DNM3: variants seen among roughly 807,000 people sequenced by gnomAD.
DNM3 encodes the protein dynamin-3.
Under a neutral mutation model 101.6 loss-of-function variants are expected in DNM3, and 47 were observed. The ratio of observed to expected loss-of-function variants is 0.46; its 90% CI spans 0.37 to 0.59. The LOEUF is 0.59. Ranked by LOEUF, DNM3 falls within the 20% of genes least tolerant of loss-of-function variation. The pLI, the probability that DNM3 is intolerant of heterozygous loss-of-function variation, is 0.00. For synonymous variants in DNM3, 385 were observed against 387.9 expected (o/e 0.99, Z 0.09); for missense variants, 849 against 1,085.7 (o/e 0.78, Z 3.06).
chr1:172,317,908 A>G (rs370931455), intron 16 of DNM3, among the ~76,000 whole-genome samples: 3 of 152,366 alleles, frequency 2.0e-5, no homozygotes, highest in South Asian at 4.1e-4. Flanking sequence ...TCATCCTGAT[A>G]TCAAAGCCTG....
At chr1:172,380,194 C>T (rs541897565) in intron 18 of DNM3, among the ~76,000 whole-genome samples, 1 of 152,056 alleles carries the variant, frequency 6.6e-6, no homozygotes, top group South Asian at 2.1e-4. Context: ...ATGTAAAATA[C>T]TAATTGTAGT....
intron 18 of DNM3, chr1:172,380,600 G>T (rs1276875931): frequency 2.0e-5 from 3 of 151,838 alleles, no homozygotes; most frequent in African/African-American, 7.3e-5. Flanking sequence ...AAATCATTTC[G>T]CCCCTTTGAG....
chr1:172,257,465 G>A (rs1003930604), intron 15 of DNM3, among the ~76,000 whole-genome samples: 2 of 152,002 alleles, frequency 1.3e-5, no homozygotes, highest in African/African-American at 4.8e-5. Context: ...TTTTCCTGGT[G>A]ACTTAAAAAA....
chr1:172,138,767 G>T, intron 14 of DNM3: 2 of 379,542 alleles, frequency 5.3e-6, no homozygotes, highest in South Asian at 2.1e-5. Flanking sequence ...TGGTGTGAGG[G>T]CTGCTTTCTT....
intron 15 of DNM3, among the ~76,000 whole-genome samples, chr1:172,286,430 C>T (rs763501895): frequency 6.6e-6 from 1 of 152,164 alleles, no homozygotes; most frequent in Non-Finnish European, 1.5e-5. Flanking sequence ...GCAACAACAA[C>T]TTTTTAAAAA....
At chr1:171,844,392 G>A (rs1423513236) in intron 1 of DNM3, among the ~76,000 whole-genome samples, 1 of 152,184 alleles carries the variant, frequency 6.6e-6, no homozygotes, top group African/African-American at 2.4e-5. Flanking sequence ...AATTCATTGT[G>A]TTTGCTCTTG....
intron 13 of DNM3, among the ~76,000 whole-genome samples, chr1:172,120,718 G>A (rs1460293711): frequency 6.6e-6 from 1 of 152,184 alleles, no homozygotes; most frequent in Non-Finnish European, 1.5e-5. Flanking sequence ...GCAGGTGAGA[G>A]CACTGTTCAT....
intron 14 of DNM3, chr1:172,136,791 A>G (rs2057255481): frequency 6.6e-6 from 1 of 152,132 alleles, no homozygotes; most frequent in African/African-American, 2.4e-5. Context: ...TGTCCCACTC[A>G]AAAGTTTATC....
intron 1 of DNM3, among the ~76,000 whole-genome samples, chr1:171,873,503 G>T (rs1471767364): frequency 6.6e-6 from 1 of 152,086 alleles, no homozygotes; most frequent in Non-Finnish European, 1.5e-5. Context: ...AGTAAATTAT[G>T]TGGCAGATTA....
In DNM3 at chr1:172,033,281, C is replaced by T. The variant is rs1375223399; in HGVS notation, c.849+16C>T. 2.5e-6 allele frequency: 4 copies of T among 1,573,220 alleles called. No individual in the cohort carries two copies. Among genetic ancestry groups the T allele is most frequent in the Non-Finnish European group, 3.5e-6 (4 of 1,158,820 alleles). On this transcript the variant is annotated intron_variant, in intron 6 of 20. Coordinates refer to ENST00000627582, the MANE Select transcript of DNM3 (RefSeq NM_015569.5). ...CCTTAATCAGGTAAAAATGTTCTTT[C>T]AAGCAACAAGAACAATTATGAAATA...
intron 10 of DNM3, among the ~76,000 whole-genome samples, chr1:172,064,511 G>C (rs1291056600): frequency 6.6e-6 from 1 of 151,968 alleles, no homozygotes; most frequent in East Asian, 1.9e-4. Context: ...GTTTGAATGA[G>C]ATCATGAAAT....
chr1:172,206,437 A>G (rs1373685290), intron 14 of DNM3, among the ~76,000 whole-genome samples: 1 of 152,162 alleles, frequency 6.6e-6, no homozygotes, highest in African/African-American at 2.4e-5. Context: ...TTCTTTGCAC[A>G]GATATTAAAA....
intron 9 of DNM3, among the ~76,000 whole-genome samples, chr1:172,044,851 G>T (rs10910971): frequency 0.18 from 27,869 of 152,086 alleles, 2,944 homozygotes; most frequent in East Asian, 0.5. Context: ...AATGGAGGTT[G>T]TTACTTTCAA....
intron 10 of DNM3, among the ~76,000 whole-genome samples, chr1:172,062,120 G>C (rs61805859): frequency 0.014 from 2,143 of 152,092 alleles, 32 homozygotes; most frequent in Non-Finnish European, 0.024. Context: ...CTTTATAATT[G>C]GTTCTTAATT....
intron 14 of DNM3, among the ~76,000 whole-genome samples, chr1:172,166,109 G>A (rs529717287): frequency 1.3e-5 from 2 of 152,170 alleles, no homozygotes; most frequent in South Asian, 4.2e-4. Flanking sequence ...TGTGGAGTAT[G>A]TGTCTGTTTC....
intron 17 of DNM3, among the ~76,000 whole-genome samples, chr1:172,346,715 A>G (rs2066958409): frequency 6.6e-6 from 1 of 152,226 alleles, no homozygotes; most frequent in African/African-American, 2.4e-5. Flanking sequence ...ACCAAAATGA[A>G]TTAAAAGGAA....
intron 10 of DNM3, among the ~76,000 whole-genome samples, chr1:172,063,095 C>T (rs1042662257): frequency 6.6e-6 from 1 of 151,988 alleles, no homozygotes; most frequent in Non-Finnish European, 1.5e-5. Flanking sequence ...TCATAAAAGC[C>T]CTTATCTTTA....
intron 11 of DNM3, among the ~76,000 whole-genome samples, chr1:172,079,865 TAACA>T (rs974548382): frequency 6.6e-6 from 1 of 152,186 alleles, no homozygotes; most frequent in African/African-American, 2.4e-5. Flanking sequence ...GTTTTCCTTC[TAACA>T]GTCAGGCCCC....
At chr1:172,193,811 G>C (rs1472975442) in intron 14 of DNM3, among the ~76,000 whole-genome samples, 2 of 152,036 alleles carry the variant, frequency 1.3e-5, no homozygotes, top group African/African-American at 4.8e-5. Flanking sequence ...CAAAAAACCA[G>C]CTCCTGGATT....
Sources: gnomAD v4.1 joint callset for allele counts (sites outside exome capture counted in the v4.1 genomes callset) on GRCh38, gnomAD v4.1.1 for gene constraint, MANE v1.5 for transcripts, NCBI Gene and HGNC (gene_info 2026-07-23, HGNC 2026-07-21) for gene names.